STK32B: variants seen among roughly 807,000 people sequenced by gnomAD.
The protein encoded by STK32B is serine/threonine kinase 32B.
STK32B carries 43 observed loss-of-function variants against 52.6 expected under a neutral mutation model. The ratio of observed to expected loss-of-function variants is 0.82; its 90% CI spans 0.64 to 1.05. The LOEUF is 1.05. STK32B is among the 50% of genes least tolerant of loss of function. STK32B has a pLI of 0.00. For synonymous variants in STK32B, 238 were observed against 204.3 expected, an observed-to-expected ratio of 1.17 and a Z score of -1.41; for missense variants, 621 against 534.6, an observed-to-expected ratio of 1.16 and a Z score of -1.59.
intron 3 of STK32B, among the ~76,000 whole-genome samples, chr4:5,217,995 GTTATTA>G (rs1723283083): frequency 6.6e-6 from 1 of 151,680 alleles, no homozygotes; most frequent in Admixed American, 6.6e-5. Flanking sequence ...CTTAAAAGCT[GTTATTA>G]TTATTATTAC....
chr4:5,329,408 T>A (rs1012411136), intron 3 of STK32B, among the ~76,000 whole-genome samples: 7 of 152,266 alleles, frequency 4.6e-5, no homozygotes, highest in Non-Finnish European at 7.4e-5. Flanking sequence ...CCGCCATGGG[T>A]CATGCTGTTT....
At chr4:5,186,316 G>A (rs549549258) in intron 3 of STK32B, among the ~76,000 whole-genome samples, 53 of 152,270 alleles carry the variant, frequency 3.5e-4, no homozygotes, top group African/African-American at 1.2e-3. Flanking sequence ...GCAGTGGGCC[G>A]CTTGAGGAAG....
intron 3 of STK32B, among the ~76,000 whole-genome samples, chr4:5,242,299 G>A (rs576378440): frequency 6.6e-6 from 1 of 152,290 alleles, no homozygotes; most frequent in African/African-American, 2.4e-5. Flanking sequence ...TCTCATTGTG[G>A]TTTTGATTTG....
intron 2 of STK32B, among the ~76,000 whole-genome samples, chr4:5,159,473 C>T (rs1476408965): frequency 1.4e-5 from 2 of 138,216 alleles, no homozygotes; most frequent in Non-Finnish European, 3.1e-5. Flanking sequence ...TACACACACA[C>T]ATATATATGA....
At chr4:5,289,595 T>C (rs1280350370) in intron 3 of STK32B, among the ~76,000 whole-genome samples, 3 of 151,524 alleles carry the variant, frequency 2.0e-5, no homozygotes, top group African/African-American at 7.3e-5. Flanking sequence ...AATGGCTCAC[T>C]GCAAGCTCCA....
At chr4:5,139,355 C>T (rs1298745099) in intron 1 of STK32B, among the ~76,000 whole-genome samples, 2 of 152,156 alleles carry the variant, frequency 1.3e-5, no homozygotes, top group East Asian at 1.9e-4. Context: ...ACAGCCAAGG[C>T]TAGAGACACC....
At chr4:5,373,529 G>C (rs1577410326) in intron 4 of STK32B, among the ~76,000 whole-genome samples, 1 of 152,154 alleles carries the variant, frequency 6.6e-6, no homozygotes, top group African/African-American at 2.4e-5. Flanking sequence ...GATCGGACAA[G>C]GCCCACCCCC....
At chr4:5,035,320 T>C in the STK32B span, among the ~76,000 whole-genome samples, 1 of 152,246 alleles carries the variant, frequency 6.6e-6, no homozygotes, top group Non-Finnish European at 1.5e-5. Context: ...AAAAATAATC[T>C]TTCTAGCTTG....
chr4:5,443,859 C>T (rs969139400), intron 6 of STK32B, among the ~76,000 whole-genome samples: 1 of 152,094 alleles, frequency 6.6e-6, no homozygotes, highest in Non-Finnish European at 1.5e-5. Context: ...AATACCCTGC[C>T]ATGTGAGGTG....
chr4:5,268,538 G>GGTGT lies in STK32B; in HGVS notation c.261-62639_261-62636dup, dbSNP rs10593272. Among the ~76,000 whole-genome samples, 712 of 140,178 alleles carry GGTGT rather than the reference G, an allele frequency of 5.1e-3. 3 individuals carry two copies. Among genetic ancestry groups the GGTGT allele is most frequent in the East Asian group, 0.016 (76 of 4,642 alleles). 92.0% of individuals were successfully genotyped at this position (140,178 alleles called of 152,430 possible). ...AGCACTATTTGAAGTTGCTTGGTGTGGTGTGTGTGTGTGTGTGTGTGTGTG... is the reference window on the plus strand; with the variant it reads ...AGCACTATTTGAAGTTGCTTGGTGTGGTGTGTGTGTGTGTGTGTGTGTGTGTGTG... On this transcript the variant is annotated intron_variant, in intron 3 of 11. Transcript: ENST00000282908.
chr4:5,299,962 C>T (rs939648265), intron 3 of STK32B, among the ~76,000 whole-genome samples: 21 of 152,052 alleles, frequency 1.4e-4, no homozygotes, highest in Admixed American at 4.6e-4. Context: ...ATTCTGATAC[C>T]GAAATCCAGC....
intron 3 of STK32B, among the ~76,000 whole-genome samples, chr4:5,226,510 C>T (rs1461922792): frequency 1.3e-5 from 2 of 152,150 alleles, no homozygotes; most frequent in East Asian, 1.9e-4. Flanking sequence ...ATGCCTGCCC[C>T]GTCCATCCCA....
intron 3 of STK32B, among the ~76,000 whole-genome samples, chr4:5,312,751 G>C (rs886256718): frequency 1.3e-5 from 2 of 151,846 alleles, no homozygotes; most frequent in African/African-American, 2.4e-5. Context: ...AAACATACGT[G>C]TGCATGTGTC....
At chr4:5,100,622 TTCTTTCTTTC>T (rs1362619883) in intron 1 of STK32B, among the ~76,000 whole-genome samples, 3 of 52,700 alleles carry the variant, frequency 5.7e-5, no homozygotes, top group African/African-American at 3.2e-4. Context: ...TCCCTGCTTT[TTCTTTCTTTC>T]TCTTTCTTTC....
intron 6 of STK32B, among the ~76,000 whole-genome samples, chr4:5,427,846 C>A (rs1000403333): frequency 6.6e-6 from 1 of 151,408 alleles, no homozygotes; most frequent in Non-Finnish European, 1.5e-5. Flanking sequence ...TTTTAAAGAA[C>A]CAGTTTTTGC....
chr4:5,055,336 A>C (rs1323260937), intron 1 of STK32B, among the ~76,000 whole-genome samples: 1 of 151,866 alleles, frequency 6.6e-6, no homozygotes, highest in Non-Finnish European at 1.5e-5. Flanking sequence ...TAGGGGAATA[A>C]ATTGGCTCTG....
In STK32B at chr4:5,406,366, C is replaced by T. The variant is rs1705901848; in HGVS notation, c.472+8122C>T. On this transcript the variant is annotated intron_variant, in intron 5 of 11. Coordinates refer to ENST00000282908, the MANE Select transcript of STK32B (RefSeq NM_018401.3). ...ACGGTGCAAGCTGTTGGAGGGTATA[C>T]CATTCTGGGGGTTGGATAATGGTGG... is the stretch of plus-strand genomic sequence containing the variant. 2.0e-5 allele frequency among the ~76,000 whole-genome samples: 3 copies of T among 152,216 alleles called. No individual in the cohort carries two copies. The South Asian group carries it at 6.2e-4, about 32-fold the overall frequency.
chr4:5,244,340 C>G (rs1008020469), intron 3 of STK32B, among the ~76,000 whole-genome samples: 45 of 152,098 alleles, frequency 3.0e-4, no homozygotes, highest in African/African-American at 9.9e-4. Context: ...TCCATTTCTT[C>G]TAGATTTTCT....
At chr4:5,173,623 T>A (rs1163650800) in intron 3 of STK32B, among the ~76,000 whole-genome samples, 11 of 152,076 alleles carry the variant, frequency 7.2e-5, no homozygotes, top group Non-Finnish European at 1.3e-4. Flanking sequence ...TTTGAGTGAG[T>A]TTCTTAATCC....
Sources: allele counts gnomAD v4.1 joint callset (sites outside exome capture counted in the v4.1 genomes callset), GRCh38; gene constraint gnomAD v4.1.1; transcripts MANE v1.5; gene names NCBI Gene and HGNC (gene_info 2026-07-23, HGNC 2026-07-21).